The following CNTNAP5 variants were observed in gnomAD, a reference collection of about 807,000 sequenced individuals.
CNTNAP5 encodes contactin associated protein family member 5.
In CNTNAP5, 72 loss-of-function variants were observed where a neutral mutation model predicts 150.2. The observed-to-expected ratio is 0.48, with a 90% CI of 0.40 to 0.58. The LOEUF (loss-of-function observed/expected upper bound fraction) is 0.58. Ranked by LOEUF, CNTNAP5 falls within the 20% of genes least tolerant of loss-of-function variation. The probability of loss-of-function intolerance (pLI) is 0.00; values close to 1 mark genes in which losing one functional copy is unlikely to be tolerated. For missense variants in CNTNAP5, 1,636 were observed against 1,626.2 expected (o/e 1.01, Z -0.10); for synonymous variants, 672 against 619.8 (o/e 1.08, Z -1.25).
At chr2:124,364,785 G>C (rs1196556909) in intron 3 of CNTNAP5, among the ~76,000 whole-genome samples, 1 of 152,112 alleles carries the variant, frequency 6.6e-6, no homozygotes, top group East Asian at 1.9e-4. Flanking sequence ...AAAATAAAAA[G>C]TACCAGAGGA....
intron 3 of CNTNAP5, among the ~76,000 whole-genome samples, chr2:124,294,435 G>A (rs1558837681): frequency 6.6e-6 from 1 of 152,038 alleles, no homozygotes; most frequent in African/African-American, 2.4e-5. Context: ...TCTCTTAAAA[G>A]ATGATATGTG....
intron 4 of CNTNAP5, among the ~76,000 whole-genome samples, chr2:124,433,914 A>G (rs1692456759): frequency 6.6e-6 from 1 of 152,240 alleles, no homozygotes; most frequent in African/African-American, 2.4e-5. Context: ...ACCAGCACAG[A>G]TAAGGCAGTG....
chr2:124,825,595 G>A (rs1200934471), intron 19 of CNTNAP5, among the ~76,000 whole-genome samples: 1 of 152,076 alleles, frequency 6.6e-6, no homozygotes, highest in African/African-American at 2.4e-5. Context: ...TTTCCTGCTT[G>A]GATAGGAACT....
chr2:124,345,226 C>T (rs531259877), intron 3 of CNTNAP5, among the ~76,000 whole-genome samples: 1 of 152,256 alleles, frequency 6.6e-6, no homozygotes, highest in African/African-American at 2.4e-5. Flanking sequence ...TAGAACGTTC[C>T]ATGGAGTAGT....
chr2:124,618,683 A>G (rs963286949), intron 12 of CNTNAP5, among the ~76,000 whole-genome samples: 2 of 152,142 alleles, frequency 1.3e-5, no homozygotes, highest in African/African-American at 4.8e-5. Context: ...CGCACAGAGA[A>G]GGCTGGAGAT....
intron 12 of CNTNAP5, among the ~76,000 whole-genome samples, chr2:124,639,421 C>G (rs1034785549): frequency 6.6e-6 from 1 of 152,106 alleles, no homozygotes; most frequent in African/African-American, 2.4e-5. Context: ...AATATAAGCT[C>G]CATGAGAGCA....
intron 13 of CNTNAP5, among the ~76,000 whole-genome samples, chr2:124,743,788 T>C (rs371156226): frequency 6.6e-6 from 1 of 152,224 alleles, no homozygotes; most frequent in Non-Finnish European, 1.5e-5. Flanking sequence ...CTACCCATTT[T>C]TTTTCCTGTT....
At chr2:124,329,102 G>T (rs1689287849) in intron 3 of CNTNAP5, among the ~76,000 whole-genome samples, 1 of 152,104 alleles carries the variant, frequency 6.6e-6, no homozygotes, top group Admixed American at 6.6e-5. Context: ...TTTTGTAACT[G>T]GTTCTCTGAA....
chr2:124,350,059 A>C (rs570619207), intron 3 of CNTNAP5, among the ~76,000 whole-genome samples: 1 of 151,550 alleles, frequency 6.6e-6, no homozygotes, highest in Non-Finnish European at 1.5e-5. Context: ...TAATTTTTGT[A>C]TTTTTAGTAG....
At chr2:124,295,574 T>C (rs1688406676) in intron 3 of CNTNAP5, among the ~76,000 whole-genome samples, 1 of 152,258 alleles carries the variant, frequency 6.6e-6, no homozygotes, top group African/African-American at 2.4e-5. Flanking sequence ...ATAGATGTTG[T>C]TTCTGTGTGA....
At chr2:124,543,799 T>C (rs1695445789) in intron 10 of CNTNAP5, among the ~76,000 whole-genome samples, 1 of 152,166 alleles carries the variant, frequency 6.6e-6, no homozygotes, top group African/African-American at 2.4e-5. Flanking sequence ...TTTTGCCAAA[T>C]GCCATCTAAA....
chr2:124,247,906 T>C (rs960796169), intron 3 of CNTNAP5, among the ~76,000 whole-genome samples: 1 of 152,192 alleles, frequency 6.6e-6, no homozygotes, highest in African/African-American at 2.4e-5. Flanking sequence ...GTCTCAAATA[T>C]ATTTGTCAGG....
chr2:124,609,705 T>G (rs2104984004), intron 11 of CNTNAP5, 96 bp from the exon 12 acceptor site: 1 of 1,346,556 alleles, frequency 7.4e-7, no homozygotes, highest in South Asian at 1.5e-5. Flanking sequence ...GGGAAATGAA[T>G]ACACATAGAG....
intron 10 of CNTNAP5, among the ~76,000 whole-genome samples, chr2:124,536,002 G>A (rs573409162): frequency 9.2e-5 from 14 of 152,192 alleles, no homozygotes; most frequent in Admixed American, 5.2e-4. Flanking sequence ...ATTACATTGC[G>A]CGGTAATACA....
At chr2:124,852,129 C>T (rs560227043) in intron 19 of CNTNAP5, among the ~76,000 whole-genome samples, 2 of 152,224 alleles carry the variant, frequency 1.3e-5, no homozygotes, top group South Asian at 4.2e-4. Flanking sequence ...AGATTGTAGT[C>T]AGAAAACAAA....
intron 19 of CNTNAP5, among the ~76,000 whole-genome samples, chr2:124,850,436 G>C (rs898601384): frequency 6.6e-6 from 1 of 152,136 alleles, no homozygotes; most frequent in African/African-American, 2.4e-5. Context: ...GCAGAGATTG[G>C]AGCAATGCAC....
chr2:124,280,527 C>T (rs1044779023), intron 3 of CNTNAP5, among the ~76,000 whole-genome samples: 2 of 151,984 alleles, frequency 1.3e-5, no homozygotes, highest in South Asian at 2.1e-4. Flanking sequence ...CAAGGCTGTT[C>T]GTTGTATAGA....
chr2:124,167,665 A>G (rs973201865), intron 1 of CNTNAP5, among the ~76,000 whole-genome samples: 2 of 152,326 alleles, frequency 1.3e-5, no homozygotes, highest in South Asian at 4.1e-4. Flanking sequence ...ACCTGTCTAG[A>G]CAGCAATCTT....
chr2:124,328,136 A>C (rs1408914316), intron 3 of CNTNAP5, among the ~76,000 whole-genome samples: 1 of 151,330 alleles, frequency 6.6e-6, no homozygotes, highest in African/African-American at 2.4e-5. Flanking sequence ...CAGGTCCTAC[A>C]ACACATTTTT....
Sources: gnomAD v4.1 joint callset for allele counts (sites outside exome capture counted in the v4.1 genomes callset) on GRCh38, gnomAD v4.1.1 for gene constraint, MANE v1.5 for transcripts, NCBI Gene and HGNC (gene_info 2026-07-23, HGNC 2026-07-21) for gene names.